Variants in KCNAB1 observed in about 807,000 individuals in gnomAD.
The protein encoded by KCNAB1 is voltage-gated potassium channel subunit beta-1.
KCNAB1 carries 35 observed loss-of-function variants against 64.6 expected under a neutral mutation model. The ratio of observed to expected loss-of-function variants is 0.54; its 90% confidence interval spans 0.41 to 0.72. The LOEUF (loss-of-function observed/expected upper bound fraction) is 0.72, where lower values mean the gene tolerates loss of function less well. KCNAB1 is among the 30% of genes least tolerant of loss of function. The pLI, the probability that KCNAB1 is intolerant of heterozygous loss-of-function variation, is 0.00. For missense variants in KCNAB1, 401 were observed against 512.9 expected (o/e 0.78, Z 2.11); for synonymous variants, 177 against 183.8 (o/e 0.96, Z 0.30).
intron 1 of KCNAB1, among the ~76,000 whole-genome samples, chr3:156,385,238 A>T (rs1712498978): frequency 2.0e-5 from 3 of 152,196 alleles, no homozygotes; most frequent in Admixed American, 2.0e-4. Flanking sequence ...GAGGATGATG[A>T]TAAAAGTGCT....
At chr3:156,433,647 G>T (rs116340914) in intron 2 of KCNAB1, among the ~76,000 whole-genome samples, 3,102 of 152,292 alleles carry the variant, frequency 0.02, 103 homozygotes, top group African/African-American at 0.068. Context: ...CACCTCTTTT[G>T]GGGGAGTAGG....
intron 8 of KCNAB1, among the ~76,000 whole-genome samples, chr3:156,493,207 C>G (rs1482924446): frequency 6.6e-6 from 1 of 152,070 alleles, no homozygotes; most frequent in East Asian, 1.9e-4. Context: ...CAGAAATATG[C>G]CCACACCAGA....
intron 1 of KCNAB1, among the ~76,000 whole-genome samples, chr3:156,173,427 A>G (rs1041270329): frequency 6.6e-5 from 10 of 152,192 alleles, no homozygotes; most frequent in African/African-American, 2.2e-4. Flanking sequence ...TTAGTTATAA[A>G]TGTTAAACAC....
At chr3:156,527,662 C>T (rs747200198) in intron 12 of KCNAB1, among the ~76,000 whole-genome samples, 3 of 151,938 alleles carry the variant, frequency 2.0e-5, no homozygotes, top group Non-Finnish European at 2.9e-5. Flanking sequence ...TCCCCTTTTC[C>T]TCCTGTCCTC....
intron 1 of KCNAB1, among the ~76,000 whole-genome samples, chr3:156,364,630 TAGCC>T (rs1477918521): frequency 1.3e-5 from 2 of 151,928 alleles, no homozygotes; most frequent in African/African-American, 4.8e-5. Context: ...AATACAAAAT[TAGCC>T]AGGTGTGGTG....
chr3:156,137,808 G>A (rs56231269), intron 1 of KCNAB1, among the ~76,000 whole-genome samples: 75,707 of 150,738 alleles, frequency 0.5, 21,015 homozygotes, highest in East Asian at 0.7. Flanking sequence ...CACCTACCTC[G>A]GCCTCCCAAA....
intron 1 of KCNAB1, among the ~76,000 whole-genome samples, chr3:156,121,924 A>G (rs1365317232): frequency 2.0e-5 from 3 of 152,258 alleles, no homozygotes; most frequent in African/African-American, 4.8e-5. Context: ...TAACTTGTGC[A>G]TATAGACTAA....
At chr3:156,298,480 A>G (rs935964542) in intron 1 of KCNAB1, among the ~76,000 whole-genome samples, 4 of 152,218 alleles carry the variant, frequency 2.6e-5, no homozygotes, top group Non-Finnish European at 5.9e-5. Context: ...AAACATTTCA[A>G]TTTATGGTAA....
At chr3:156,198,597 A>G (rs1281306049) in intron 1 of KCNAB1, among the ~76,000 whole-genome samples, 1 of 147,362 alleles carries the variant, frequency 6.8e-6, no homozygotes, top group Non-Finnish European at 1.5e-5. Context: ...TTTATCAGAG[A>G]CTACGATTGC....
At chr3:156,512,173 T>G (rs759241790) in intron 8 of KCNAB1, among the ~76,000 whole-genome samples, 12 of 152,228 alleles carry the variant, frequency 7.9e-5, no homozygotes, top group Non-Finnish European at 1.0e-4. Flanking sequence ...CTCACTCAAC[T>G]TGAAACTCCC....
chr3:156,118,324 G>T (rs902074731), upstream of KCNAB1: 3 of 455,614 alleles, frequency 6.6e-6, no homozygotes, highest in Non-Finnish European at 1.3e-5. Flanking sequence ...TGGCTGTCCA[G>T]CAAGGCAATG....
At chr3:156,155,117 C>G (rs990896545) in intron 1 of KCNAB1, among the ~76,000 whole-genome samples, 1 of 152,190 alleles carries the variant, frequency 6.6e-6, no homozygotes, top group East Asian at 1.9e-4. Context: ...ACATTGGTGA[C>G]ACTCTTTACA....
chr3:156,210,778 G>A (rs542829374), intron 1 of KCNAB1, among the ~76,000 whole-genome samples: 258 of 152,318 alleles, frequency 1.7e-3, no homozygotes, highest in Non-Finnish European at 3.2e-3. Flanking sequence ...TACCTGGCAG[G>A]CACCTGCATC....
At chr3:156,450,446 T>G (rs557413935) in intron 2 of KCNAB1, among the ~76,000 whole-genome samples, 54 of 152,362 alleles carry the variant, frequency 3.5e-4, no homozygotes, top group Admixed American at 9.8e-4. Context: ...TGTGTTCTCA[T>G]TTGCTGCAAG....
At chr3:156,488,937 G>T (rs1387712283) in intron 8 of KCNAB1, among the ~76,000 whole-genome samples, 1 of 152,144 alleles carries the variant, frequency 6.6e-6, no homozygotes, top group African/African-American at 2.4e-5. Context: ...AGTGAAGAAT[G>T]ACTCCAAGGT....
intron 1 of KCNAB1, among the ~76,000 whole-genome samples, chr3:156,201,842 A>G (rs1714351759): frequency 6.6e-6 from 1 of 152,172 alleles, no homozygotes; most frequent in Non-Finnish European, 1.5e-5. Context: ...AGGCTAGTGC[A>G]TGTCCATGAG....
intron 1 of KCNAB1, among the ~76,000 whole-genome samples, chr3:156,313,213 A>G (rs1446185083): frequency 6.6e-6 from 1 of 152,230 alleles, no homozygotes; most frequent in African/African-American, 2.4e-5. Context: ...CAATTCACTG[A>G]CATATTTGCT....
chr3:156,429,346 C>T (rs917226828), intron 2 of KCNAB1, among the ~76,000 whole-genome samples: 1 of 152,190 alleles, frequency 6.6e-6, no homozygotes, highest in African/African-American at 2.4e-5. Context: ...TCCAACTGGA[C>T]TGGAAAGCCT....
At chr3:156,406,327 C>T (rs926222660) in intron 1 of KCNAB1, among the ~76,000 whole-genome samples, 7 of 152,146 alleles carry the variant, frequency 4.6e-5, no homozygotes, top group Non-Finnish European at 7.4e-5. Context: ...AGTCAGTCTG[C>T]ATGGCCTGGC....
Sources: allele counts gnomAD v4.1 joint callset (sites outside exome capture counted in the v4.1 genomes callset), GRCh38; gene constraint gnomAD v4.1.1; transcripts MANE v1.5; gene names NCBI Gene and HGNC (gene_info 2026-07-23, HGNC 2026-07-21).